SEPTIN11: variants seen among roughly 807,000 people sequenced by gnomAD.
SEPTIN11 encodes the protein septin-11.
In SEPTIN11, 25 loss-of-function variants were observed where a neutral mutation model predicts 51.4. That is an observed-to-expected ratio of 0.49 (90% CI 0.35 to 0.68). The LOEUF (loss-of-function observed/expected upper bound fraction) is 0.68. Ranked by LOEUF, SEPTIN11 falls within the 30% of genes least tolerant of loss-of-function variation. The pLI, the probability that SEPTIN11 is intolerant of heterozygous loss-of-function variation, is 0.00. For synonymous variants in SEPTIN11, 174 were observed against 184.1 expected, an observed-to-expected ratio of 0.95 and a Z score of 0.44; for missense variants, 381 against 520.8, an observed-to-expected ratio of 0.73 and a Z score of 2.61.
At chr4:76,952,726 C>T (rs936801525) in intron 1 of SEPTIN11, among the ~76,000 whole-genome samples, 4 of 152,216 alleles carry the variant, frequency 2.6e-5, no homozygotes, top group Admixed American at 6.5e-5. Context: ...CATTTCCCCA[C>T]TGATGGTTTT....
Position 76,956,962 on chromosome 4 carries a change from A to ATGTGTGTGTGTGTGTGTGTGTGTG in SEPTIN11, c.27+7041_27+7064dup, listed in dbSNP as rs202035045. On this transcript the variant is annotated intron_variant, in intron 1 of 9. Transcript: ENST00000264893. ...GATTCTAGCTGGGCATAGTAGAATGATGTGTGTGTGTGTGTGTGTGTGTGT... is the reference window on the plus strand; with the variant it reads ...GATTCTAGCTGGGCATAGTAGAATGATGTGTGTGTGTGTGTGTGTGTGTGTGTGTGTGTGTGTGTGTGTGTGTGT... Among the ~76,000 whole-genome samples the ATGTGTGTGTGTGTGTGTGTGTGTG allele has an allele frequency of 1.4e-3, 167 of 119,106 alleles. 1 individual carries two copies. The highest frequency in any genetic ancestry group is 3.5e-3 in the African/African-American group (106 of 29,926). 78.1% of individuals were successfully genotyped at this position (119,106 alleles called of 152,430 possible). A position where few individuals can be genotyped will look rare whatever the true frequency, so the allele number is the denominator to read the frequency against.
At chr4:77,034,386 C>A (rs1263328504) in intron 9 of SEPTIN11, 111 bp from the exon 10 acceptor site, 3 of 941,932 alleles carry the variant, frequency 3.2e-6, no homozygotes, top group Admixed American at 8.0e-5. Context: ...ATTCCATAAT[C>A]ATTGCATGAG....
chr4:77,003,239 T>A (rs1337589191), intron 2 of SEPTIN11, among the ~76,000 whole-genome samples: 1 of 152,208 alleles, frequency 6.6e-6, no homozygotes. Flanking sequence ...TGATTGGGCT[T>A]CTGTTGTTGC....
At chr4:77,029,028 A>G (rs1314826624) in intron 8 of SEPTIN11, among the ~76,000 whole-genome samples, 3 of 152,234 alleles carry the variant, frequency 2.0e-5, no homozygotes, top group Admixed American at 6.5e-5. Flanking sequence ...TTAGGTCTCC[A>G]GATCTGATCA....
At chr4:76,996,883 C>CT (rs567525535) in intron 2 of SEPTIN11, among the ~76,000 whole-genome samples, 55,424 of 126,252 alleles carry the variant, frequency 0.44, 13,034 homozygotes, top group East Asian at 0.54. Flanking sequence ...CTAGCCATAT[C>CT]TTTTTTTTTT....
At chr4:77,026,193 A>G (rs1202450633) in intron 7 of SEPTIN11, among the ~76,000 whole-genome samples, 1 of 152,188 alleles carries the variant, frequency 6.6e-6, no homozygotes, top group Non-Finnish European at 1.5e-5. Context: ...GGGTAGCATT[A>G]CCCAGAGCAC....
chr4:77,039,022 GCC>G, downstream of SEPTIN11: 2 of 1,153,558 alleles, frequency 1.7e-6, no homozygotes, highest in Non-Finnish European at 2.3e-6. Context: ...CTTTTCTTAA[GCC>G]ATTAAGAATC....
At chr4:76,956,449 T>C (rs181758329) in intron 1 of SEPTIN11, among the ~76,000 whole-genome samples, 1 of 152,348 alleles carries the variant, frequency 6.6e-6, no homozygotes, top group Non-Finnish European at 1.5e-5. Flanking sequence ...AGCTAAATTA[T>C]GTTGCGGTAA....
At position 76,996,527 on chromosome 4, in the gene SEPTIN11, A is replaced by C. The variant is rs1158504115; in HGVS notation, c.130A>C (p.Ile44Leu). 3 of 1,613,086 alleles carry C rather than the reference A, an allele frequency of 1.9e-6. No individual in the cohort carries two copies. Among genetic ancestry groups the C allele is most frequent in the Admixed American group, 1.7e-5 (1 of 59,994 alleles). ...TACTTCTCAAGGATTCTGTTTCAACATCCTTTGTGTTGGTAAGTTATTCAT... is the reference window on the plus strand; with the variant it reads ...TACTTCTCAAGGATTCTGTTTCAACCTCCTTTGTGTTGGTAAGTTATTCAT... ...KSTSQGFCFN[I>L]LCVGETGIGK... Residue 44 changes from isoleucine (I) to leucine (L), a missense_variant, in exon 2 of 10, where the codon ATC becomes CTC. Physicochemically the swap from Ile to Leu is conservative, Grantham distance 5 (BLOSUM62 2). Around this residue, in one of 2 missense-constraint regions of SEPTIN11, gnomAD observed 184 missense variants for 207.7 expected, o/e 0.89. Transcript: ENST00000264893.
chr4:77,035,055 A>C lies in SEPTIN11; in HGVS notation c.*543A>C. ...CATTATATTTTATTTTTACCCTTGCATGACATTTTCATTTTAATCAATAAC... is the reference window on the plus strand; with the variant it reads ...CATTATATTTTATTTTTACCCTTGCCTGACATTTTCATTTTAATCAATAAC... On this transcript the variant is annotated 3_prime_UTR_variant, in exon 10 of 10. Transcript: ENST00000264893. 1 of 985,490 alleles carries C rather than the reference A, an allele frequency of 1.0e-6. No individual in the cohort carries two copies. The highest frequency in any genetic ancestry group is 4.7e-5 in the South Asian group (1 of 21,286). 61.0% of individuals were successfully genotyped at this position (985,490 alleles called of 1,614,324 possible). A position where few individuals can be genotyped will look rare whatever the true frequency, so the allele number is the denominator to read the frequency against.
At chr4:76,960,782 T>G (rs941690288) in intron 1 of SEPTIN11, among the ~76,000 whole-genome samples, 31 of 152,204 alleles carry the variant, frequency 2.0e-4, no homozygotes, top group African/African-American at 6.3e-4. Context: ...AGTGACAATG[T>G]CAAAACCATA....
rs1371287603 is a variant in SEPTIN11 at position 77,030,978 on chromosome 4, G to C, written c.1274+8G>C. 2.5e-6 allele frequency: 4 copies of C among 1,597,066 alleles called. No individual in the cohort carries two copies. Among genetic ancestry groups the C allele is most frequent in the Non-Finnish European group, 2.6e-6 (3 of 1,176,438 alleles). On this transcript the variant is annotated splice_region_variant and intron_variant, in intron 9 of 9. Coordinates refer to ENST00000264893, the MANE Select transcript of SEPTIN11 (RefSeq NM_018243.4). ...AGACAAGGATAAGAAAAAGTAAGCA[G>C]GTGTCACCCCCCTGTATCGGGGACC...
intron 1 of SEPTIN11, chr4:76,985,012 A>G (rs765306768): frequency 1.3e-5 from 2 of 152,140 alleles, no homozygotes; most frequent in African/African-American, 4.8e-5. Context: ...CTTCTTGCCT[A>G]TTTGTCACAT....
intron 1 of SEPTIN11, among the ~76,000 whole-genome samples, chr4:76,991,890 G>T (rs1162958460): frequency 6.6e-6 from 1 of 152,120 alleles, no homozygotes; most frequent in Non-Finnish European, 1.5e-5. Flanking sequence ...ATTTTTGAAT[G>T]AACAAATAAA....
chr4:77,009,225 A>G (rs896658255), intron 3 of SEPTIN11, among the ~76,000 whole-genome samples: 67 of 152,240 alleles, frequency 4.4e-4, no homozygotes, highest in African/African-American at 1.5e-3. Flanking sequence ...GTTGAATCCC[A>G]GGTTTCTGAC....
Position 77,037,463 on chromosome 4 carries a change from C to T in SEPTIN11, c.*2951C>T, listed in dbSNP as rs561606762. 1.7e-4 allele frequency: 167 copies of T among 985,296 alleles called. 1 individual carries two copies. The highest frequency in any genetic ancestry group is 7.2e-6 in the Non-Finnish European group (6 of 829,886). The allele number at this position is 985,296 out of a possible 1,614,324, so 61.0% of individuals were successfully genotyped here. A position where few individuals can be genotyped will look rare whatever the true frequency, so the allele number is the denominator to read the frequency against. On this transcript the variant is annotated 3_prime_UTR_variant, in exon 10 of 10. Transcript: ENST00000264893. ...TTGATTCTGGCAAGGCAAATAAAGC[C>T]AGAATGAGAAATTACCATCTTCTAC...
chr4:77,017,138 C>T (rs1236910660), intron 5 of SEPTIN11, among the ~76,000 whole-genome samples: 1 of 152,066 alleles, frequency 6.6e-6, no homozygotes, highest in East Asian at 1.9e-4. Flanking sequence ...TGAATGACTG[C>T]TATGTAATTT....
At chr4:77,033,795 A>G (rs963671985) in intron 9 of SEPTIN11, among the ~76,000 whole-genome samples, 1 of 152,178 alleles carries the variant, frequency 6.6e-6, no homozygotes, top group South Asian at 2.1e-4. Context: ...AGTTTACCCA[A>G]CCATCCACTC....
chr4:76,951,327 C>G (rs1364907525), intron 1 of SEPTIN11, among the ~76,000 whole-genome samples: 1 of 152,210 alleles, frequency 6.6e-6, no homozygotes, highest in Admixed American at 6.5e-5. Context: ...TCATGACTGT[C>G]TTTTAGGCCT....
Sources: allele counts gnomAD v4.1 joint callset (sites outside exome capture counted in the v4.1 genomes callset), GRCh38; gene constraint gnomAD v4.1.1; regional missense constraint gnomAD v4.1.1; transcripts MANE v1.5; gene names NCBI Gene and HGNC (gene_info 2026-07-23, HGNC 2026-07-21).